Variants in CAMKMT observed in about 807,000 individuals in gnomAD.
The protein encoded by CAMKMT is CaM KMT.
A neutral mutation model predicts 48.0 loss-of-function variants in CAMKMT; 53 were observed. That is an observed-to-expected ratio of 1.10 (90% confidence interval 0.89 to 1.39). The LOEUF (loss-of-function observed/expected upper bound fraction) is 1.39, where lower values mean the gene tolerates loss of function less well. Among genes scored for constraint, CAMKMT ranks in the 40% most tolerant of loss-of-function variants. The pLI is 0.00. For synonymous variants in CAMKMT, 165 were observed against 152.3 expected, an observed-to-expected ratio of 1.08 and a Z score of -0.61; for missense variants, 428 against 402.7, an observed-to-expected ratio of 1.06 and a Z score of -0.54.
intron 2 of CAMKMT, among the ~76,000 whole-genome samples, chr2:44,377,773 CTT>C (rs1679845383): frequency 1.3e-5 from 2 of 152,088 alleles, no homozygotes; most frequent in Admixed American, 1.3e-4. Flanking sequence ...TCAAGAATGA[CTT>C]TGTCTTTGAC....
intron 3 of CAMKMT, among the ~76,000 whole-genome samples, chr2:44,673,759 G>A (rs1675500453): frequency 6.6e-6 from 1 of 152,148 alleles, no homozygotes; most frequent in Non-Finnish European, 1.5e-5. Flanking sequence ...AAAGAAGGGA[G>A]ATGACTGGAA....
chr2:44,519,581 T>G (rs1360689968), intron 3 of CAMKMT, among the ~76,000 whole-genome samples: 2 of 152,164 alleles, frequency 1.3e-5, no homozygotes, highest in African/African-American at 4.8e-5. Flanking sequence ...ACATAAGCCT[T>G]GAGTGACTTC....
intron 3 of CAMKMT, among the ~76,000 whole-genome samples, chr2:44,415,021 G>A (rs1378091371): frequency 6.6e-6 from 1 of 152,186 alleles, no homozygotes; most frequent in Non-Finnish European, 1.5e-5. Context: ...GGGCATGGCG[G>A]TGTGCCTGTA....
At chr2:44,636,237 T>C (rs2103985711) in intron 3 of CAMKMT, among the ~76,000 whole-genome samples, 1 of 152,174 alleles carries the variant, frequency 6.6e-6, no homozygotes, top group Admixed American at 6.5e-5. Context: ...CAGAAATCAG[T>C]GGTACAGGAT....
At chr2:44,547,063 C>T (rs897080) in intron 3 of CAMKMT, among the ~76,000 whole-genome samples, 118,753 of 151,982 alleles carry the variant, frequency 0.78, 46,526 homozygotes, top group Middle Eastern at 0.88. Flanking sequence ...TTGAGGGGTC[C>T]TGAGGGTGGG....
At chr2:44,679,746 C>A (rs1024446647) in intron 3 of CAMKMT, among the ~76,000 whole-genome samples, 4 of 152,192 alleles carry the variant, frequency 2.6e-5, no homozygotes, top group Admixed American at 6.5e-5. Context: ...TTTAGCAATA[C>A]CTCTGCTCTA....
chr2:44,593,920 C>T (rs1381438034), intron 3 of CAMKMT, among the ~76,000 whole-genome samples: 2 of 151,948 alleles, frequency 1.3e-5, no homozygotes, highest in South Asian at 2.1e-4. Flanking sequence ...TGTACCACCA[C>T]GCCTGGCTAA....
intron 3 of CAMKMT, among the ~76,000 whole-genome samples, chr2:44,603,904 A>C (rs1230231347): frequency 6.6e-6 from 1 of 152,216 alleles, no homozygotes; most frequent in East Asian, 1.9e-4. Context: ...ACTGTTCTTC[A>C]GGAATTTATA....
In CAMKMT at chr2:44,635,391, A is replaced by G. The variant is rs577695719; in HGVS notation, c.377-68892A>G. Among the ~76,000 whole-genome samples, 13 of 152,322 alleles carry G rather than the reference A, an allele frequency of 8.5e-5. No individual in the cohort carries two copies. The South Asian group carries it at 2.1e-3, about 24-fold the overall frequency. ...AAATTTCACATATTTACCCCAACAT[A>G]TGTATACATTTATTAATAAACTCTA... On this transcript the variant is annotated intron_variant, in intron 3 of 10. Transcript: ENST00000378494.
At chr2:44,540,983 A>C (rs2341458) in intron 3 of CAMKMT, among the ~76,000 whole-genome samples, 91,193 of 152,028 alleles carry the variant, frequency 0.6, 28,465 homozygotes, top group South Asian at 0.69. Flanking sequence ...TCTTTGTCTC[A>C]ATGATTTGAC....
At chr2:44,709,606 T>C (rs1677762345) in intron 6 of CAMKMT, among the ~76,000 whole-genome samples, 2 of 152,174 alleles carry the variant, frequency 1.3e-5, no homozygotes, top group Admixed American at 1.3e-4. Flanking sequence ...CTGACTGAGG[T>C]TAATATGAAT....
At position 44,432,406 on chromosome 2, in the gene CAMKMT, C is replaced by G. The variant is rs954008055; in HGVS notation, c.376+42101C>G. Among the ~76,000 whole-genome samples, 3 of 152,196 alleles carry G rather than the reference C, an allele frequency of 2.0e-5. No individual in the cohort carries two copies. In the East Asian group the frequency reaches 5.8e-4, roughly 29 times the overall value. ...ACTGATTACGAAGGCACCCCACATACTTCCTTCATAAACATTTGGCAGATC... is the reference window on the plus strand; with the variant it reads ...ACTGATTACGAAGGCACCCCACATAGTTCCTTCATAAACATTTGGCAGATC... On this transcript the variant is annotated intron_variant, in intron 3 of 10. Transcript: ENST00000378494.
rs1572867992 is a variant in CAMKMT, at chr2:44,589,496, G to A, written c.377-114787G>A. On this transcript the variant is annotated intron_variant, in intron 3 of 10. Transcript: ENST00000378494. Reference sequence around the variant, plus strand: ...AATCGGATGGTTGCCGGGTCTGTGTGGATAGAAGTAGACATGGGAGACTTT... The same window carrying A: ...AATCGGATGGTTGCCGGGTCTGTGTAGATAGAAGTAGACATGGGAGACTTT... Among the ~76,000 whole-genome samples the A allele has an allele frequency of 3.4e-5, 2 of 59,618 alleles. 1 individual carries two copies. Among genetic ancestry groups the A allele is most frequent in the East Asian group, 5.5e-4 (2 of 3,620 alleles). 39.1% of individuals were successfully genotyped at this position (59,618 alleles called of 152,430 possible). A position where few individuals can be genotyped will look rare whatever the true frequency, so the allele number is the denominator to read the frequency against.
chr2:44,552,995 C>T (rs1465568542), intron 3 of CAMKMT, among the ~76,000 whole-genome samples: 1 of 152,158 alleles, frequency 6.6e-6, no homozygotes, highest in Non-Finnish European at 1.5e-5. Context: ...TGAAAGTATA[C>T]ATAAGGCGAA....
intron 3 of CAMKMT, among the ~76,000 whole-genome samples, chr2:44,593,982 C>G (rs778955078): frequency 2.6e-5 from 4 of 151,906 alleles, no homozygotes; most frequent in Admixed American, 6.6e-5. Flanking sequence ...AGGCTGGTCT[C>G]GAACTCCCCA....
intron 3 of CAMKMT, among the ~76,000 whole-genome samples, chr2:44,668,831 G>C (rs551792271): frequency 5.9e-5 from 9 of 151,964 alleles, no homozygotes; most frequent in Non-Finnish European, 1.0e-4. Context: ...GCCCAGGCTG[G>C]AGTACAGTGG....
chr2:44,761,295 G>T (rs1210120593), intron 9 of CAMKMT, among the ~76,000 whole-genome samples: 2 of 152,158 alleles, frequency 1.3e-5, no homozygotes, highest in Admixed American at 6.5e-5. Context: ...ATACATAAAA[G>T]AACAGATGGG....
intron 3 of CAMKMT, among the ~76,000 whole-genome samples, chr2:44,703,519 C>T (rs1419203021): frequency 6.6e-6 from 1 of 152,130 alleles, no homozygotes; most frequent in Non-Finnish European, 1.5e-5. Context: ...GTAGCTCACA[C>T]TTGTAATCCC....
Position 44,768,363 on chromosome 2 carries a change from T to TATATATA in CAMKMT, c.894+1802_894+1803insATATATA, listed in dbSNP as rs1558844484. ...CCATGATATATATATATATATATATTTTTTTTTTTTTTTTAATAATGAGAG... is the reference window on the plus strand; with the variant it reads ...CCATGATATATATATATATATATATTATATATATTTTTTTTTTTTTTAATAATGAGAG... On this transcript the variant is annotated intron_variant, in intron 10 of 10. Transcript: ENST00000378494. Among the ~76,000 whole-genome samples, 339 of 71,960 alleles carry TATATATA rather than the reference T, an allele frequency of 4.7e-3. 1 individual carries two copies. Among genetic ancestry groups the TATATATA allele is most frequent in the South Asian group, 0.019 (46 of 2,468 alleles). 47.2% of individuals were successfully genotyped at this position (71,960 alleles called of 152,430 possible).
Sources: gnomAD v4.1 joint callset for allele counts (sites outside exome capture counted in the v4.1 genomes callset) on GRCh38, gnomAD v4.1.1 for gene constraint, MANE v1.5 for transcripts, NCBI Gene and HGNC (gene_info 2026-07-23, HGNC 2026-07-21) for gene names.